The following MYO16 variants were observed in gnomAD, a reference collection of about 807,000 sequenced individuals.
The protein encoded by MYO16 is unconventional myosin-XVI.
A neutral mutation model predicts 205.3 loss-of-function variants in MYO16; 94 were observed. That is an observed-to-expected ratio of 0.46 (90% CI 0.39 to 0.54). The LOEUF (loss-of-function observed/expected upper bound fraction) is 0.54, where lower values mean the gene tolerates loss of function less well. Among genes scored for constraint, MYO16 ranks in the 20% least tolerant of loss-of-function variants. MYO16 has a pLI of 0.00. For synonymous variants in MYO16, 988 were observed against 954.0 expected (o/e 1.04, Z -0.66); for missense variants, 2,315 against 2,387.5 (o/e 0.97, Z 0.63).
At chr13:108,741,871 G>A (rs1249362057) in intron 4 of MYO16, among the ~76,000 whole-genome samples, 8 of 152,036 alleles carry the variant, frequency 5.3e-5, no homozygotes, top group African/African-American at 1.9e-4. Context: ...AGCAAAAGAG[G>A]GCCTCATCAT....
At chr13:108,580,088 G>A in the MYO16 span, among the ~76,000 whole-genome samples, 1 of 152,076 alleles carries the variant, frequency 6.6e-6, no homozygotes, top group African/African-American at 2.4e-5. Flanking sequence ...TAAAAATATA[G>A]ATGATAAAAA....
intron 20 of MYO16, among the ~76,000 whole-genome samples, chr13:108,970,497 G>T (rs1213865072): frequency 6.6e-6 from 1 of 152,172 alleles, no homozygotes; most frequent in Non-Finnish European, 1.5e-5. Context: ...GTTCAAAGGT[G>T]AGAGTTCCCC....
chr13:108,635,416 C>A (rs969856202), intron 1 of MYO16, among the ~76,000 whole-genome samples: 1 of 151,984 alleles, frequency 6.6e-6, no homozygotes, highest in African/African-American at 2.4e-5. Context: ...GGTTTTTAAT[C>A]CTTTTACTTA....
chr13:108,546,535 G>A, the MYO16 span, among the ~76,000 whole-genome samples: 2 of 152,066 alleles, frequency 1.3e-5, no homozygotes, highest in Non-Finnish European at 1.5e-5. Context: ...TATAGCTTAT[G>A]ACAAAGCTTG....
intron 32 of MYO16, among the ~76,000 whole-genome samples, chr13:109,161,553 A>C (rs1594144091): frequency 6.6e-6 from 1 of 152,320 alleles, no homozygotes; most frequent in Non-Finnish European, 1.5e-5. Context: ...GGGAATTGGC[A>C]CCTAATATAC....
intron 27 of MYO16, among the ~76,000 whole-genome samples, chr13:109,066,508 TAAAC>T (rs1887752655): frequency 6.6e-6 from 1 of 152,172 alleles, no homozygotes; most frequent in Non-Finnish European, 1.5e-5. Flanking sequence ...CAGAGGAGCT[TAAAC>T]AACGCTTCCA....
the MYO16 span, among the ~76,000 whole-genome samples, chr13:108,562,615 G>C: frequency 6.6e-6 from 1 of 152,074 alleles, no homozygotes; most frequent in South Asian, 2.1e-4. Context: ...TATGATTTTG[G>C]CATAGATACA....
intron 12 of MYO16, among the ~76,000 whole-genome samples, chr13:108,869,458 C>T (rs997572775): frequency 9.2e-5 from 14 of 151,848 alleles, no homozygotes; most frequent in Non-Finnish European, 2.9e-5. Context: ...GGCGCGGTGG[C>T]TCACTCCTGT....
chr13:109,083,381 C>A (rs1888339141), intron 27 of MYO16, among the ~76,000 whole-genome samples: 1 of 21,848 alleles, frequency 4.6e-5, no homozygotes, highest in Non-Finnish European at 8.4e-5. Context: ...GAAACTCCGT[C>A]TCAAAAAAAA....
intron 33 of MYO16, among the ~76,000 whole-genome samples, chr13:109,171,737 TA>T (rs1447291924): frequency 6.6e-6 from 1 of 152,214 alleles, no homozygotes; most frequent in African/African-American, 2.4e-5. Flanking sequence ...CACACAGATA[TA>T]AAAAATTCCA....
rs76353095 is a variant in MYO16 at position 108,832,353 on chromosome 13, G to T, written c.1097+9075G>T. ...AACAGGGTTTCACCATGTTGGCCAG[G>T]CTGGTCTTGAACTCCTGACCTCAGG... On this transcript the variant is annotated intron_variant, in intron 9 of 34. Transcript: ENST00000457511. Among the ~76,000 whole-genome samples, 15 of 151,520 alleles carry T rather than the reference G, an allele frequency of 9.9e-5. No homozygotes were observed. In the East Asian group the frequency reaches 2.9e-3, roughly 30 times the overall value.
the MYO16 span, among the ~76,000 whole-genome samples, chr13:108,529,303 C>T: frequency 6.6e-6 from 1 of 152,172 alleles, no homozygotes; most frequent in Non-Finnish European, 1.5e-5. Context: ...TTTCTCACTC[C>T]AGAAACTAGC....
chr13:109,079,828 G>A (rs1379732612), intron 27 of MYO16, among the ~76,000 whole-genome samples: 1 of 151,892 alleles, frequency 6.6e-6, no homozygotes, highest in African/African-American at 2.4e-5. Flanking sequence ...TCTTATTATG[G>A]AGAACTTTCT....
Position 108,726,644 on chromosome 13 carries a change from G to A in MYO16, c.364-796G>A, listed in dbSNP as rs138794292. ...GAGGCCAATGCAAATAAATATCTGG[G>A]ACTTTTCAAAATTGAACATTCAAGA... On this transcript the variant is annotated intron_variant, in intron 3 of 34. Coordinates refer to ENST00000457511, the MANE Select transcript of MYO16 (RefSeq NM_001198950.3). Among the ~76,000 whole-genome samples, 364 of 152,020 alleles carry A rather than the reference G, an allele frequency of 2.4e-3. 2 individuals are homozygous for A. The highest frequency in any genetic ancestry group is 8.4e-3 in the African/African-American group (347 of 41,450).
intron 34 of MYO16, among the ~76,000 whole-genome samples, chr13:109,203,969 T>C (rs139268469): frequency 1.3e-5 from 2 of 152,186 alleles, no homozygotes; most frequent in African/African-American, 4.8e-5. Flanking sequence ...ATGTGGTTTA[T>C]CTTCCTTCCA....
chr13:109,017,608 G>A (rs943809978), intron 22 of MYO16, among the ~76,000 whole-genome samples: 10 of 152,112 alleles, frequency 6.6e-5, no homozygotes, highest in Admixed American at 3.3e-4. Context: ...CCAATCAAAC[G>A]TAGATTTGGT....
At chr13:108,631,865 G>A (rs1879996372) in intron 1 of MYO16, among the ~76,000 whole-genome samples, 2 of 152,150 alleles carry the variant, frequency 1.3e-5, no homozygotes, top group South Asian at 2.1e-4. Flanking sequence ...ATCACCTGAG[G>A]TCAGGAGTTT....
chr13:109,104,658 A>G (rs1369683802), intron 28 of MYO16, among the ~76,000 whole-genome samples: 1 of 152,178 alleles, frequency 6.6e-6, no homozygotes, highest in Admixed American at 6.5e-5. Context: ...TCCAGAGGAA[A>G]GGACAGGGGT....
chr13:108,803,250 C>CA (rs1386337644), intron 6 of MYO16, among the ~76,000 whole-genome samples: 8 of 152,138 alleles, frequency 5.3e-5, no homozygotes, highest in Non-Finnish European at 1.2e-4. Flanking sequence ...CTGTCCAGAG[C>CA]AATTGATCCA....
Sources: gnomAD v4.1 joint callset for allele counts (sites outside exome capture counted in the v4.1 genomes callset) on GRCh38, gnomAD v4.1.1 for gene constraint, MANE v1.5 for transcripts, NCBI Gene and HGNC (gene_info 2026-07-23, HGNC 2026-07-21) for gene names.